The following FGF14 variants were observed in gnomAD, a reference collection of about 807,000 sequenced individuals.
The protein encoded by FGF14 is fibroblast growth factor 14.
A neutral mutation model predicts 25.5 loss-of-function variants in FGF14; 5 were observed. The ratio of observed to expected loss-of-function variants is 0.20; its 90% CI spans 0.10 to 0.41. The LOEUF is 0.41. Among genes scored for constraint, FGF14 ranks in the 10% least tolerant of loss-of-function variants. The pLI, the probability that FGF14 is intolerant of heterozygous loss-of-function variation, is 1.00. For missense variants in FGF14, 222 were observed against 320.1 expected, an observed-to-expected ratio of 0.69 and a Z score of 2.34; for synonymous variants, 138 against 118.3, an observed-to-expected ratio of 1.17 and a Z score of -1.08.
At chr13:101,935,394 G>A (rs2035031509) in intron 1 of FGF14, among the ~76,000 whole-genome samples, 1 of 152,176 alleles carries the variant, frequency 6.6e-6, no homozygotes, top group South Asian at 2.1e-4. Flanking sequence ...CTATGGTTTG[G>A]CTGTGTTCCT....
intron 1 of FGF14, among the ~76,000 whole-genome samples, chr13:102,217,051 T>A (rs941752730): frequency 4.6e-5 from 7 of 151,514 alleles, no homozygotes; most frequent in African/African-American, 1.7e-4. Flanking sequence ...TTTCCATTCA[T>A]CCACTGATGG....
intron 3 of FGF14, among the ~76,000 whole-genome samples, chr13:101,777,815 T>G (rs1594212135): frequency 6.6e-6 from 1 of 151,436 alleles, no homozygotes; most frequent in South Asian, 2.1e-4. Flanking sequence ...TGCGAAAAAA[T>G]TAGTTGGGCA....
chr13:102,083,498 T>C (rs1031810398), intron 1 of FGF14, among the ~76,000 whole-genome samples: 2 of 152,182 alleles, frequency 1.3e-5, no homozygotes, highest in African/African-American at 4.8e-5. Flanking sequence ...AAATGACAGA[T>C]AGTAGACCCC....
intron 1 of FGF14, among the ~76,000 whole-genome samples, chr13:102,163,837 C>CT (rs1005829641): frequency 2.6e-5 from 4 of 151,986 alleles, no homozygotes; most frequent in Non-Finnish European, 5.9e-5. Flanking sequence ...GACTTGCCCC[C>CT]CCCAGAAAAC....
intron 1 of FGF14, among the ~76,000 whole-genome samples, chr13:101,897,687 C>T (rs572722840): frequency 1.3e-5 from 2 of 151,950 alleles, no homozygotes; most frequent in East Asian, 3.9e-4. Context: ...TTTGTTGCTG[C>T]CAGGAAATAA....
In FGF14 at chr13:102,153,444, T is replaced by C. The variant is rs139266395; in HGVS notation, c.208+248027A>G. Among the ~76,000 whole-genome samples the C allele has an allele frequency of 1.4e-3, 217 of 152,294 alleles. 2 individuals are homozygous for C. Among genetic ancestry groups the C allele is most frequent in the Middle Eastern group, 6.8e-3 (2 of 294 alleles). ...TGCTTCTTGCACGCCCTTGAGCAAATTGCTCCCCTCTGAGATTTATTTTCC... is the reference window on the plus strand; with the variant it reads ...TGCTTCTTGCACGCCCTTGAGCAAACTGCTCCCCTCTGAGATTTATTTTCC... On this transcript the variant is annotated intron_variant, in intron 1 of 4. Coordinates refer to the FGF14 transcript ENST00000376131.
chr13:101,925,065 C>T (rs1323737692), intron 1 of FGF14, among the ~76,000 whole-genome samples: 2 of 151,888 alleles, frequency 1.3e-5, no homozygotes, highest in Non-Finnish European at 1.5e-5. Flanking sequence ...GAATAAGAAC[C>T]GAAAACTGTA....
intron 1 of FGF14, among the ~76,000 whole-genome samples, chr13:102,051,477 C>A (rs2140055953): frequency 6.6e-6 from 1 of 152,250 alleles, no homozygotes; most frequent in African/African-American, 2.4e-5. Flanking sequence ...TCAAGTGAAC[C>A]CACAAGCCAG....
At chr13:101,926,030 A>C (rs1156433886) in intron 1 of FGF14, among the ~76,000 whole-genome samples, 1 of 152,088 alleles carries the variant, frequency 6.6e-6, no homozygotes, top group Non-Finnish European at 1.5e-5. Flanking sequence ...GATCCTAGTG[A>C]TTTCACTGGG....
intron 1 of FGF14, among the ~76,000 whole-genome samples, chr13:101,983,465 C>T (rs2139625274): frequency 6.6e-6 from 1 of 152,142 alleles, no homozygotes; most frequent in East Asian, 1.9e-4. Context: ...AAATAAGATC[C>T]TTGTTATGAA....
At chr13:102,392,862 A>G (rs2058466013) in intron 1 of FGF14, among the ~76,000 whole-genome samples, 3 of 152,036 alleles carry the variant, frequency 2.0e-5, no homozygotes, top group African/African-American at 7.2e-5. Flanking sequence ...ACCTTGCCCA[A>G]CCCAGAGCTG....
chr13:102,378,410 C>T (rs1424419804), intron 1 of FGF14, among the ~76,000 whole-genome samples: 1 of 152,048 alleles, frequency 6.6e-6, no homozygotes, highest in African/African-American at 2.4e-5. Flanking sequence ...TTTATAAGCC[C>T]TATGCTACTA....
intron 1 of FGF14, among the ~76,000 whole-genome samples, chr13:102,343,428 C>T (rs2057012980): frequency 6.6e-6 from 1 of 152,146 alleles, no homozygotes; most frequent in East Asian, 1.9e-4. Context: ...CCTTATAGCT[C>T]AAACATGGAT....
At chr13:102,118,255 C>T (rs531708683) in intron 1 of FGF14, among the ~76,000 whole-genome samples, 3 of 151,548 alleles carry the variant, frequency 2.0e-5, no homozygotes, top group Admixed American at 6.6e-5. Flanking sequence ...TAGTTATATA[C>T]GTATGGGATA....
At chr13:102,186,849 T>C (rs1303497627) in intron 1 of FGF14, among the ~76,000 whole-genome samples, 1 of 152,164 alleles carries the variant, frequency 6.6e-6, no homozygotes, top group Non-Finnish European at 1.5e-5. Flanking sequence ...ATAGTGCACA[T>C]ATGCAAGCAA....
chr13:101,889,955 T>C (rs912218909), intron 1 of FGF14, among the ~76,000 whole-genome samples: 2 of 152,212 alleles, frequency 1.3e-5, no homozygotes, highest in Non-Finnish European at 2.9e-5. Flanking sequence ...AGGCTTAGCT[T>C]AAATATCCCC....
chr13:102,111,754 A>G (rs989465747), intron 1 of FGF14, among the ~76,000 whole-genome samples: 1 of 145,696 alleles, frequency 6.9e-6, no homozygotes, highest in Non-Finnish European at 1.5e-5. Flanking sequence ...ATGTACAAAG[A>G]ATTTTGTAGG....
chr13:102,154,076 C>G (rs936251664), intron 1 of FGF14, among the ~76,000 whole-genome samples: 1 of 152,048 alleles, frequency 6.6e-6, no homozygotes, highest in Non-Finnish European at 1.5e-5. Context: ...ATGGTATCCA[C>G]GAGAATAACA....
At chr13:102,362,105 G>C (rs940852772) in intron 1 of FGF14, among the ~76,000 whole-genome samples, 1 of 152,114 alleles carries the variant, frequency 6.6e-6, no homozygotes, top group African/African-American at 2.4e-5. Flanking sequence ...GCCAGAAACT[G>C]ATGTGATCTG....
Sources: allele counts gnomAD v4.1 joint callset (sites outside exome capture counted in the v4.1 genomes callset), GRCh38; gene constraint gnomAD v4.1.1; transcripts MANE v1.5; gene names NCBI Gene and HGNC (gene_info 2026-07-23, HGNC 2026-07-21).